KCNN3: variants seen among roughly 807,000 people sequenced by gnomAD.
KCNN3 encodes potassium calcium-activated channel subfamily N member 3.
Under a neutral mutation model 62.9 loss-of-function variants are expected in KCNN3, and 16 were observed. That is an observed-to-expected ratio of 0.25 (90% CI 0.17 to 0.39). KCNN3 has a LOEUF of 0.39. Ranked by LOEUF, KCNN3 falls within the 10% of genes least tolerant of loss-of-function variation. The probability of loss-of-function intolerance (pLI) is 1.00; values close to 1 mark genes in which losing one functional copy is unlikely to be tolerated. For missense variants in KCNN3, 599 were observed against 949.4 expected, an observed-to-expected ratio of 0.63 and a Z score of 4.85; for synonymous variants, 370 against 389.2, an observed-to-expected ratio of 0.95 and a Z score of 0.58.
Position 154,809,284 on chromosome 1 carries a change from C to T in KCNN3, c.1029+12805G>A, listed in dbSNP as rs1403650744. On this transcript the variant is annotated intron_variant, in intron 2 of 7. Transcript: ENST00000271915. This position sits in a 1 kb window ranked among gnomAD's most constrained non-coding sequence, Gnocchi z 4.3. ...TTCATTTCACAGACTGTGAGTAACA[C>T]GAGACCGGGTCCAGTCTGTAGTTCA... is the stretch of plus-strand genomic sequence containing the variant. 1.3e-5 allele frequency among the ~76,000 whole-genome samples: 2 copies of T among 152,224 alleles called. No individual in the cohort carries two copies. The highest frequency in any genetic ancestry group is 2.4e-5 in the African/African-American group (1 of 41,460).
chr1:154,724,138 A>G (rs1051725033), intron 5 of KCNN3, among the ~76,000 whole-genome samples: 3 of 152,232 alleles, frequency 2.0e-5, no homozygotes, highest in Non-Finnish European at 2.9e-5. Context: ...ACAGAATCCA[A>G]TAAATGTAAT....
intron 1 of KCNN3, among the ~76,000 whole-genome samples, chr1:154,836,470 C>T (rs542822955): frequency 1.3e-5 from 2 of 152,338 alleles, no homozygotes; most frequent in Non-Finnish European, 2.9e-5. Context: ...GCAGGGAATG[C>T]CCCATCTCCG....
chr1:154,827,798 C>CAAT (rs199899540), intron 1 of KCNN3, among the ~76,000 whole-genome samples: 2,076 of 151,570 alleles, frequency 0.014, 22 homozygotes, highest in South Asian at 0.038. Flanking sequence ...GACTCTGTCT[C>CAAT]AATAATAATA....
chr1:154,819,726 C>T (rs1650813401), intron 2 of KCNN3, among the ~76,000 whole-genome samples: 1 of 152,148 alleles, frequency 6.6e-6, no homozygotes, highest in Non-Finnish European at 1.5e-5. Flanking sequence ...GTGGTGGGAG[C>T]TCAGGGTACA....
In KCNN3 at chr1:154,700,394, A is replaced by G. The variant is rs1478394589; in HGVS notation, c.*7582T>C. 2 of 152,224 alleles carry G rather than the reference A, an allele frequency of 1.3e-5. No homozygotes were observed. The highest frequency in any genetic ancestry group is 2.4e-5 in the African/African-American group (1 of 41,452). 9.4% of individuals were successfully genotyped at this position (152,224 alleles called of 1,614,324 possible). A position where few individuals can be genotyped will look rare whatever the true frequency, so the allele number is the denominator to read the frequency against. On this transcript the variant is annotated 3_prime_UTR_variant, in exon 8 of 8. Transcript: ENST00000271915. ...ACTGTCAAGAGGTCTGCTTTCCCCA[A>G]ATGATGAATTTGCATTTGTTTCCTT... is the stretch of plus-strand genomic sequence containing the variant.
chr1:154,853,805 A>G (rs535174702), intron 1 of KCNN3, among the ~76,000 whole-genome samples: 3 of 152,028 alleles, frequency 2.0e-5, no homozygotes, highest in Admixed American at 2.0e-4. Context: ...TTAACTGGGC[A>G]TGGTGGTATG....
In KCNN3 at chr1:154,714,567, G is replaced by GGT. The variant is rs1175237890; in HGVS notation, c.1829+307_1829+308dup. 2.9e-4 allele frequency among the ~76,000 whole-genome samples: 20 copies of GGT among 69,268 alleles called. 1 individual carries two copies. Among genetic ancestry groups the GGT allele is most frequent in the Non-Finnish European group, 4.8e-4 (16 of 33,534 alleles). 45.4% of individuals were successfully genotyped at this position (69,268 alleles called of 152,430 possible). On this transcript the variant is annotated intron_variant, in intron 6 of 7. Coordinates refer to ENST00000271915, the MANE Select transcript of KCNN3 (RefSeq NM_002249.6). ...GGGTGTGTGTGTGTGGTGTGTGTGT[G>GGT]GTGTGTGTGTGTGGTGTGTATGGTG...
At chr1:154,749,184 A>G (rs1455494106) in intron 3 of KCNN3, among the ~76,000 whole-genome samples, 1 of 152,252 alleles carries the variant, frequency 6.6e-6, no homozygotes, top group Non-Finnish European at 1.5e-5. Flanking sequence ...GTTCAGCAGC[A>G]TAGGTTGCGC....
intron 1 of KCNN3, among the ~76,000 whole-genome samples, 161 bp downstream of exon 1, chr1:154,868,867 CCTCT>C (rs1198646812): frequency 3.3e-5 from 5 of 151,352 alleles, no homozygotes; most frequent in Non-Finnish European, 5.9e-5. Flanking sequence ...ACCACCACCA[CCTCT>C]CTCTCCCAGT....
At chr1:154,737,879 G>A (rs1158984592) in intron 3 of KCNN3, among the ~76,000 whole-genome samples, 1 of 152,192 alleles carries the variant, frequency 6.6e-6, no homozygotes, top group Non-Finnish European at 1.5e-5. Flanking sequence ...CTATGATTGT[G>A]CCCCTGCACT....
intron 1 of KCNN3, chr1:154,868,397 G>A (rs1164764814): frequency 1.0e-6 from 1 of 984,960 alleles, no homozygotes; most frequent in African/African-American, 1.8e-5. Context: ...GGTCATGGAT[G>A]GTTTTCTATT....
intron 5 of KCNN3, among the ~76,000 whole-genome samples, chr1:154,718,751 G>A (rs190110069): frequency 9.2e-5 from 14 of 152,256 alleles, no homozygotes; most frequent in Admixed American, 7.9e-4. Flanking sequence ...AACAAAGCAG[G>A]GTCCAGGGCT....
chr1:154,761,455 G>C (rs1053900648), intron 3 of KCNN3, among the ~76,000 whole-genome samples: 1 of 152,080 alleles, frequency 6.6e-6, no homozygotes, highest in South Asian at 2.1e-4. Context: ...ATGACAGAGC[G>C]AGACTCTATC....
chr1:154,779,935 G>C lies in KCNN3; in HGVS notation c.1030-7542C>G, dbSNP rs144230470. ...TCCAGGTCTGACCTTTCCCTGGTTA[G>C]AGTGTCTCGCCAAGCAAAGATGTCA... On this transcript the variant is annotated intron_variant, in intron 2 of 7. Coordinates refer to ENST00000271915, the MANE Select transcript of KCNN3 (RefSeq NM_002249.6). Among the ~76,000 whole-genome samples the C allele has an allele frequency of 7.9e-3, 1,205 of 152,286 alleles. 7 individuals are homozygous for C. Among genetic ancestry groups the C allele is most frequent in the Admixed American group, 0.013 (200 of 15,298 alleles).
chr1:154,857,972 C>A (rs1652604791), intron 1 of KCNN3, among the ~76,000 whole-genome samples: 1 of 152,200 alleles, frequency 6.6e-6, no homozygotes, highest in Non-Finnish European at 1.5e-5. Context: ...CACAGGCTTT[C>A]TTTCTATATG....
At chr1:154,781,346 C>G (rs1649039939) in intron 2 of KCNN3, among the ~76,000 whole-genome samples, 1 of 152,216 alleles carries the variant, frequency 6.6e-6, no homozygotes, top group Non-Finnish European at 1.5e-5. Flanking sequence ...TGTGGCAAGT[C>G]TCTGGACCTC....
At chr1:154,855,155 T>G (rs1252029154) in intron 1 of KCNN3, among the ~76,000 whole-genome samples, 1 of 152,196 alleles carries the variant, frequency 6.6e-6, no homozygotes, top group African/African-American at 2.4e-5. Context: ...GAGGTTGAAG[T>G]TGCAGTGAGC....
chr1:154,784,132 C>T (rs1649177664), intron 2 of KCNN3, among the ~76,000 whole-genome samples: 1 of 152,138 alleles, frequency 6.6e-6, no homozygotes, highest in Non-Finnish European at 1.5e-5. Flanking sequence ...ATATTTGAAG[C>T]AGTAAGGCCA....
At chr1:154,823,240 G>A (rs891649079) in intron 1 of KCNN3, among the ~76,000 whole-genome samples, 4 of 152,174 alleles carry the variant, frequency 2.6e-5, no homozygotes, top group African/African-American at 7.2e-5. Flanking sequence ...AGTTCCAAAG[G>A]AAGGCGGGAA....
Sources: allele counts gnomAD v4.1 joint callset (sites outside exome capture counted in the v4.1 genomes callset), GRCh38; gene constraint gnomAD v4.1.1; non-coding constraint Gnocchi (gnomAD v3.1); transcripts MANE v1.5; gene names NCBI Gene and HGNC (gene_info 2026-07-23, HGNC 2026-07-21).